The following MYO5B variants were observed in gnomAD, a reference collection of about 807,000 sequenced individuals.
The protein encoded by MYO5B is unconventional myosin-Vb.
Under a neutral mutation model 229.3 loss-of-function variants are expected in MYO5B, and 143 were observed. That is an observed-to-expected ratio of 0.62 (90% CI 0.54 to 0.72). The LOEUF (loss-of-function observed/expected upper bound fraction) is 0.72, where lower values mean the gene tolerates loss of function less well. Among genes scored for constraint, MYO5B ranks in the 30% least tolerant of loss-of-function variants. MYO5B has a pLI of 0.00. For missense variants in MYO5B, 2,321 were observed against 2,331.0 expected, an observed-to-expected ratio of 1.00 and a Z score of 0.09; for synonymous variants, 918 against 885.2, an observed-to-expected ratio of 1.04 and a Z score of -0.66.
At chr18:49,989,548 A>G (rs546643375) in intron 7 of MYO5B, among the ~76,000 whole-genome samples, 12 of 152,174 alleles carry the variant, frequency 7.9e-5, no homozygotes, top group East Asian at 7.7e-4. Context: ...CTCTTTACAC[A>G]TATGTGCCTG....
chr18:50,159,394 C>A (rs998372851), intron 1 of MYO5B, among the ~76,000 whole-genome samples: 2 of 152,184 alleles, frequency 1.3e-5, no homozygotes, highest in African/African-American at 4.8e-5. Flanking sequence ...GGAGCTTTCA[C>A]ATGTTTATTA....
chr18:50,178,728 G>A (rs1029243002), intron 1 of MYO5B, among the ~76,000 whole-genome samples: 1 of 152,212 alleles, frequency 6.6e-6, no homozygotes, highest in African/African-American at 2.4e-5. Flanking sequence ...GGCAGTTTCT[G>A]ATTTCTGAGA....
intron 4 of MYO5B, among the ~76,000 whole-genome samples, chr18:50,033,965 C>T (rs1370502384): frequency 1.3e-5 from 2 of 152,136 alleles, no homozygotes; most frequent in Non-Finnish European, 2.9e-5. Flanking sequence ...CTCATGCTCT[C>T]ACAGAGTCTC....
chr18:50,079,258 C>T (rs1255142081), intron 1 of MYO5B, among the ~76,000 whole-genome samples: 2 of 152,222 alleles, frequency 1.3e-5, no homozygotes, highest in Non-Finnish European at 2.9e-5. Flanking sequence ...AGAGAATTTT[C>T]CGTCTTGCTT....
chr18:50,189,539 C>T (rs977146208), intron 1 of MYO5B, among the ~76,000 whole-genome samples: 1 of 152,174 alleles, frequency 6.6e-6, no homozygotes, highest in South Asian at 2.1e-4. Flanking sequence ...GCTTCAGGAG[C>T]TTTGACAAAG....
intron 20 of MYO5B, among the ~76,000 whole-genome samples, chr18:49,903,177 C>T (rs2024863187): frequency 6.6e-6 from 1 of 152,118 alleles, no homozygotes; most frequent in African/African-American, 2.4e-5. Flanking sequence ...GTGGAGGTCC[C>T]CTCCTGGTGG....
At chr18:49,977,782 A>T (rs938524605) in intron 9 of MYO5B, among the ~76,000 whole-genome samples, 1 of 152,198 alleles carries the variant, frequency 6.6e-6, no homozygotes, top group Non-Finnish European at 1.5e-5. Context: ...CACTCAGGCT[A>T]TAACAAGGCT....
chr18:50,163,149 T>G (rs2032795067), intron 1 of MYO5B, among the ~76,000 whole-genome samples: 1 of 152,226 alleles, frequency 6.6e-6, no homozygotes, highest in Non-Finnish European at 1.5e-5. Flanking sequence ...CATGACCTCA[T>G]GTAGACAGAC....
chr18:50,004,395 G>C (rs1331434691), intron 4 of MYO5B, among the ~76,000 whole-genome samples: 2 of 152,134 alleles, frequency 1.3e-5, no homozygotes, highest in East Asian at 3.8e-4. Context: ...GCTCTTTTGG[G>C]GAACAAGTCT....
At chr18:49,838,968 T>C (rs562093246) in intron 36 of MYO5B, among the ~76,000 whole-genome samples, 176 bp downstream of exon 36, 3 of 152,344 alleles carry the variant, frequency 2.0e-5, no homozygotes, top group African/African-American at 4.8e-5. Flanking sequence ...TCAAATACTT[T>C]CACAGCTTTT....
intron 12 of MYO5B, among the ~76,000 whole-genome samples, chr18:49,957,292 C>G (rs1280538526): frequency 6.6e-6 from 1 of 151,990 alleles, no homozygotes; most frequent in Non-Finnish European, 1.5e-5. Flanking sequence ...CCTGGGACAT[C>G]TTCTGAGGCC....
intron 33 of MYO5B, 138 bp from the exon 34 acceptor site, chr18:49,843,530 G>A: frequency 8.9e-7 from 1 of 1,119,744 alleles, no homozygotes; most frequent in Non-Finnish European, 1.3e-6. Context: ...AAGAGGATTG[G>A]GAGAGAAGCC....
At chr18:49,918,597 C>G (rs2025041950) in intron 17 of MYO5B, among the ~76,000 whole-genome samples, 1 of 152,136 alleles carries the variant, frequency 6.6e-6, no homozygotes, top group East Asian at 1.9e-4. Context: ...TGCTTCTTTT[C>G]TAGTTAAAGA....
At position 50,036,927 on chromosome 18, in the gene MYO5B, G is replaced by A. The variant is rs201531684; in HGVS notation, c.378C>T (p.Thr126=). Residue 126 remains threonine, a synonymous_variant, in exon 4 of 40, where the codon ACC becomes ACT. Coordinates refer to ENST00000285039, the MANE Select transcript of MYO5B (RefSeq NM_001080467.3). The stretch of plus-strand genomic sequence containing the variant: ...TGTCTCCCATGTTTTGGCCACTGTA[G>A]GTATAGATGACATCTTGTCCATAGA... The part of the protein sequence containing the change: ...LPIYGQDVIY[T]YSGQNMGDMD... The A allele has an allele frequency of 9.5e-5, 154 of 1,614,096 alleles. No homozygotes were observed. Among genetic ancestry groups the A allele is most frequent in the East Asian group, 5.8e-4 (26 of 44,866 alleles).
At chr18:50,008,195 C>T (rs1208349414) in intron 4 of MYO5B, among the ~76,000 whole-genome samples, 1 of 152,182 alleles carries the variant, frequency 6.6e-6, no homozygotes, top group Non-Finnish European at 1.5e-5. Flanking sequence ...CTTGACATCA[C>T]TTCTCTAGAA....
intron 1 of MYO5B, among the ~76,000 whole-genome samples, chr18:50,063,586 C>G (rs532954833): frequency 9.2e-5 from 14 of 152,172 alleles, no homozygotes; most frequent in African/African-American, 3.4e-4. Flanking sequence ...GAGAAAAAAG[C>G]AGAGAAGAAA....
chr18:50,085,846 A>G (rs1021723740), intron 1 of MYO5B, among the ~76,000 whole-genome samples: 14 of 151,884 alleles, frequency 9.2e-5, no homozygotes, highest in African/African-American at 3.4e-4. Context: ...GTTCTCACTT[A>G]TAGGTGGGAA....
At chr18:50,113,503 T>C (rs1287898183) in intron 1 of MYO5B, among the ~76,000 whole-genome samples, 2 of 152,234 alleles carry the variant, frequency 1.3e-5, no homozygotes, top group Non-Finnish European at 1.5e-5. Context: ...TGCTCTGATA[T>C]GGTTTAATTA....
Position 49,948,780 on chromosome 18 carries a change from A to G in MYO5B, c.1752+4480T>C, listed in dbSNP as rs543292434. Among the ~76,000 whole-genome samples, 15 of 144,576 alleles carry G rather than the reference A, an allele frequency of 1.0e-4. No individual in the cohort carries two copies. In the South Asian group the frequency reaches 3.0e-3, roughly 29 times the overall value. The allele number at this position is 144,576 out of a possible 152,430, so 94.8% of individuals were successfully genotyped here. On this transcript the variant is annotated intron_variant, in intron 14 of 39. Coordinates refer to ENST00000285039, the MANE Select transcript of MYO5B (RefSeq NM_001080467.3). ...AGTCAAGCCATAAGCAGCAGGAGGG[A>G]GAAGGGGAGTGAACACCTGGGCCTT...
Sources: gnomAD v4.1 joint callset for allele counts (sites outside exome capture counted in the v4.1 genomes callset) on GRCh38, gnomAD v4.1.1 for gene constraint, MANE v1.5 for transcripts, NCBI Gene and HGNC (gene_info 2026-07-23, HGNC 2026-07-21) for gene names.